EVL: variants seen among roughly 807,000 people sequenced by gnomAD.
EVL encodes the protein Enah/Vasp-like.
A neutral mutation model predicts 59.6 loss-of-function variants in EVL; 21 were observed. The observed-to-expected ratio is 0.35, with a 90% confidence interval of 0.25 to 0.51. The LOEUF (loss-of-function observed/expected upper bound fraction) is 0.51, where lower values mean the gene tolerates loss of function less well. EVL is among the 20% of genes least tolerant of loss of function. EVL has a pLI of 0.97. For missense variants in EVL, 462 were observed against 546.6 expected (o/e 0.85, Z 1.54); for synonymous variants, 198 against 203.5 (o/e 0.97, Z 0.23).
At chr14:99,988,739 A>G (rs2060856988) in intron 1 of EVL, among the ~76,000 whole-genome samples, 1 of 152,258 alleles carries the variant, frequency 6.6e-6, no homozygotes, top group Non-Finnish European at 1.5e-5. Context: ...CAGTGCAATA[A>G]AAACTAATGA....
intron 2 of EVL, among the ~76,000 whole-genome samples, chr14:100,095,294 A>G (rs962121506): frequency 6.6e-6 from 1 of 152,146 alleles, no homozygotes; most frequent in Non-Finnish European, 1.5e-5. Context: ...GCTACTGTCC[A>G]CTAGAAATGC....
chr14:100,143,858 G>C lies in EVL; in HGVS notation c.*120G>C. ...CGCACAGGAGCCTGGGCGCGCTGCT[G>C]TGAAACGTCCTGACCTGTGATCACA... is the stretch of plus-strand genomic sequence containing the variant. On this transcript the variant is annotated 3_prime_UTR_variant, in exon 14 of 14. Coordinates refer to ENST00000392920, the MANE Select transcript of EVL (RefSeq NM_016337.3). 8.1e-7 allele frequency: 1 copy of C among 1,235,128 alleles called. No homozygotes were observed. Among genetic ancestry groups the C allele is most frequent in the Non-Finnish European group, 1.1e-6 (1 of 877,880 alleles). The allele number at this position is 1,235,128 out of a possible 1,614,324, so 76.5% of individuals were successfully genotyped here.
At chr14:100,084,490 TC>T (rs2062391376) in intron 1 of EVL, among the ~76,000 whole-genome samples, 196 bp from the exon 2 acceptor site, 1 of 152,208 alleles carries the variant, frequency 6.6e-6, no homozygotes, top group Non-Finnish European at 1.5e-5. Flanking sequence ...GCACAGAACC[TC>T]CTCTCCACTC....
chr14:100,050,982 A>G (rs2061638978), intron 1 of EVL, among the ~76,000 whole-genome samples: 1 of 145,630 alleles, frequency 6.9e-6, no homozygotes, highest in Non-Finnish European at 1.5e-5. Flanking sequence ...TCCTGCCTCA[A>G]GTGATCCACC....
intron 1 of EVL, among the ~76,000 whole-genome samples, chr14:100,005,664 CACA>C (rs2060974022): frequency 6.6e-6 from 1 of 151,970 alleles, no homozygotes; most frequent in East Asian, 1.9e-4. Context: ...CACACACACA[CACA>C]CACCCCTTGG....
intron 1 of EVL, among the ~76,000 whole-genome samples, chr14:99,993,763 C>G (rs1456871105): frequency 2.1e-5 from 3 of 143,828 alleles, no homozygotes; most frequent in Non-Finnish European, 4.5e-5. Context: ...CGCAGTCTTC[C>G]CTCACTGCAG....
intron 2 of EVL, chr14:100,085,122 A>G: frequency 3.1e-6 from 1 of 320,466 alleles, no homozygotes; most frequent in Non-Finnish European, 5.7e-6. Context: ...TTGTCAGATT[A>G]AAATAAATAA....
chr14:100,013,592 C>A (rs1566968961), intron 1 of EVL, among the ~76,000 whole-genome samples: 1 of 152,180 alleles, frequency 6.6e-6, no homozygotes, highest in Admixed American at 6.5e-5. Flanking sequence ...GACCGAGGGT[C>A]CCCTGGCCAT....
In EVL at chr14:100,143,631, C is replaced by T. The variant is rs934997331; in HGVS notation, c.1220-70C>T. Reference sequence around the variant, plus strand: ...ACCAGGCAGGTCCACGCCAGGGGTGCGGGGCCCTGATGAGGAACCGGGCTG... The same window carrying T: ...ACCAGGCAGGTCCACGCCAGGGGTGTGGGGCCCTGATGAGGAACCGGGCTG... On this transcript the variant is annotated intron_variant, in intron 13 of 13. Coordinates refer to ENST00000392920, the MANE Select transcript of EVL (RefSeq NM_016337.3). 2.1e-5 allele frequency: 33 copies of T among 1,587,142 alleles called. 1 individual carries two copies. Among genetic ancestry groups the T allele is most frequent in the Admixed American group, 3.4e-5 (2 of 59,454 alleles).
In EVL at chr14:100,130,485, C is replaced by T. The variant is rs1220721009; in HGVS notation, c.839+801C>T. ...CCTGCCAGAACAGAGGAAGCTGCAG[C>T]GGGGGCCCTGCTCCCTTGGTAACCC... On this transcript the variant is annotated intron_variant, in intron 7 of 13. Transcript: ENST00000392920. This position sits in a 1 kb window ranked among gnomAD's most constrained non-coding sequence, Gnocchi z 4.8. Among the ~76,000 whole-genome samples the T allele has an allele frequency of 3.9e-5, 6 of 152,354 alleles. 1 individual carries two copies. The highest frequency in any genetic ancestry group is 1.2e-4 in the African/African-American group (5 of 41,592).
intron 3 of EVL, chr14:100,107,428 G>T (rs941717274): frequency 5.0e-6 from 2 of 397,620 alleles, no homozygotes; most frequent in African/African-American, 4.1e-5. Flanking sequence ...ATGAGACTGG[G>T]TTTACATTTA....
intron 1 of EVL, among the ~76,000 whole-genome samples, chr14:100,005,404 A>G (rs927389213): frequency 3.3e-5 from 5 of 152,170 alleles, no homozygotes; most frequent in Admixed American, 6.5e-5. Flanking sequence ...TTCTGTTTTA[A>G]GCTGGGTTTA....
chr14:99,982,219 A>G (rs2060811646), intron 1 of EVL, among the ~76,000 whole-genome samples: 1 of 152,176 alleles, frequency 6.6e-6, no homozygotes, highest in Admixed American at 6.5e-5. Context: ...TGTACTGTAT[A>G]TTTGTATTGG....
At chr14:100,000,912 G>C (rs1169872764) in intron 1 of EVL, among the ~76,000 whole-genome samples, 1 of 152,150 alleles carries the variant, frequency 6.6e-6, no homozygotes, top group African/African-American at 2.4e-5. Flanking sequence ...GGTTTTGTCT[G>C]ATCTCTCATG....
chr14:100,122,863 G>A (rs1026843396), intron 3 of EVL, among the ~76,000 whole-genome samples: 1 of 152,172 alleles, frequency 6.6e-6, no homozygotes, highest in African/African-American at 2.4e-5. Flanking sequence ...CCTATGCCGG[G>A]GTCCCTCCTT....
At chr14:100,141,342 C>T in intron 12 of EVL, 96 bp downstream of exon 12, 1 of 1,365,464 alleles carries the variant, frequency 7.3e-7, no homozygotes, top group South Asian at 1.3e-5. Flanking sequence ...CCCTGGGGGC[C>T]CACATGTAGC....
At chr14:100,025,069 T>C (rs2061188280) in intron 1 of EVL, among the ~76,000 whole-genome samples, 1 of 152,204 alleles carries the variant, frequency 6.6e-6, no homozygotes, top group Admixed American at 6.5e-5. Flanking sequence ...GCATTGTAAC[T>C]GCCCTCCAAG....
Position 100,115,337 on chromosome 14 carries a change from C to G in EVL, c.359-8202C>G, listed in dbSNP as rs1440056364. On this transcript the variant is annotated intron_variant, in intron 3 of 13. Coordinates refer to ENST00000392920, the MANE Select transcript of EVL (RefSeq NM_016337.3). ...GAGCTTGGGCAAGCCCCTGCCCTTTCCCTGGGCCTCGGGACCCCTCTACAC... is the reference window on the plus strand; with the variant it reads ...GAGCTTGGGCAAGCCCCTGCCCTTTGCCTGGGCCTCGGGACCCCTCTACAC... Among the ~76,000 whole-genome samples, 3 of 152,190 alleles carry G rather than the reference C, an allele frequency of 2.0e-5. No homozygotes were observed. In the South Asian group the frequency reaches 6.2e-4, roughly 31 times the overall value.
chr14:100,101,212 C>T (rs557079807), intron 3 of EVL, among the ~76,000 whole-genome samples: 8 of 152,076 alleles, frequency 5.3e-5, no homozygotes, highest in South Asian at 4.2e-4. Context: ...AGGCCGGGCG[C>T]GGTGGCTCAC....
Sources: gnomAD v4.1 joint callset for allele counts (sites outside exome capture counted in the v4.1 genomes callset) on GRCh38, gnomAD v4.1.1 for gene constraint, Gnocchi (gnomAD v3.1) non-coding constraint, MANE v1.5 for transcripts, NCBI Gene and HGNC (gene_info 2026-07-23, HGNC 2026-07-21) for gene names.